HDGFL3: variants seen among roughly 807,000 people sequenced by gnomAD.
HDGFL3 encodes hepatoma-derived growth factor-related protein 3.
A neutral mutation model predicts 27.6 loss-of-function variants in HDGFL3; 6 were observed. The observed-to-expected ratio is 0.22, with a 90% CI of 0.12 to 0.43. The LOEUF (loss-of-function observed/expected upper bound fraction) is 0.43. Ranked by LOEUF, HDGFL3 falls within the 20% of genes least tolerant of loss-of-function variation. The pLI, the probability that HDGFL3 is intolerant of heterozygous loss-of-function variation, is 1.00. For synonymous variants in HDGFL3, 88 were observed against 88.9 expected (o/e 0.99, Z 0.05); for missense variants, 207 against 250.1 (o/e 0.83, Z 1.16).
chr15:83,175,936 G>A (rs2037304734), intron 1 of HDGFL3, among the ~76,000 whole-genome samples: 1 of 152,214 alleles, frequency 6.6e-6, no homozygotes, highest in South Asian at 2.1e-4. Flanking sequence ...GGACAGATGA[G>A]ACAGATTCTT....
At chr15:83,177,763 A>G (rs1275883522) in intron 1 of HDGFL3, among the ~76,000 whole-genome samples, 1 of 152,220 alleles carries the variant, frequency 6.6e-6, no homozygotes, top group Non-Finnish European at 1.5e-5. Context: ...AGATATAGAA[A>G]GGATGTATAA....
Position 83,130,029 on chromosome 15 carries a change from C to A in HDGFL3, c.*9241G>T, listed in dbSNP as rs1352089199. ...ACCTGTGTCAATTGTGCTTTGCCTGCACAATCAGGCCTCCTCTGCCTGCCA... is the reference window on the plus strand; with the variant it reads ...ACCTGTGTCAATTGTGCTTTGCCTGAACAATCAGGCCTCCTCTGCCTGCCA... On this transcript the variant is annotated 3_prime_UTR_variant, in exon 6 of 6. Transcript: ENST00000299633. 6.6e-6 allele frequency: 1 copy of A among 152,282 alleles called. No individual in the cohort carries two copies. The highest frequency in any genetic ancestry group is 1.5e-5 in the Non-Finnish European group (1 of 68,100). The allele number at this position is 152,282 out of a possible 1,614,324, so 9.4% of individuals were successfully genotyped here. A position where few individuals can be genotyped will look rare whatever the true frequency, so the allele number is the denominator to read the frequency against.
downstream of HDGFL3, chr15:83,124,828 C>A: frequency 7.1e-7 from 1 of 1,401,500 alleles, no homozygotes; most frequent in South Asian, 1.2e-5. Flanking sequence ...CTCACATTTC[C>A]AAATGGAAAA....
chr15:83,197,872 A>G (rs2037590737), intron 1 of HDGFL3, among the ~76,000 whole-genome samples: 1 of 151,568 alleles, frequency 6.6e-6, no homozygotes, highest in Non-Finnish European at 1.5e-5. Flanking sequence ...CATCTCTACT[A>G]AACATCTAAA....
At chr15:83,118,601 G>C (rs1220978438) in intron 3 of HDGFL3, among the ~76,000 whole-genome samples, 1 of 152,174 alleles carries the variant, frequency 6.6e-6, no homozygotes, top group Non-Finnish European at 1.5e-5. Context: ...TGACAGAGCA[G>C]TCCTTGCCCC....
chr15:83,124,163 T>C (rs2035520312), downstream of HDGFL3, among the ~76,000 whole-genome samples: 1 of 152,188 alleles, frequency 6.6e-6, no homozygotes, highest in African/African-American at 2.4e-5. Flanking sequence ...TGTGGGAAAG[T>C]GCTTATAATA....
Position 83,207,283 on chromosome 15 carries a change from AG to A in HDGFL3, c.84+47del. The A allele has an allele frequency of 1.6e-6, 2 of 1,236,872 alleles. No individual in the cohort carries two copies. The highest frequency in any genetic ancestry group is 2.1e-6 in the Non-Finnish European group (2 of 957,720). 76.6% of individuals were successfully genotyped at this position (1,236,872 alleles called of 1,614,324 possible). A position where few individuals can be genotyped will look rare whatever the true frequency, so the allele number is the denominator to read the frequency against. On this transcript the variant is annotated intron_variant, in intron 1 of 5. Transcript: ENST00000299633. This position sits in a 1 kb window ranked among gnomAD's most constrained non-coding sequence, Gnocchi z 4.8. ...AAAGGGGGCGGGCGCGCCATCATGAAGGGGAAAATGGTGGGCGGGCGGGCCC... is the reference window on the plus strand; with the variant it reads ...AAAGGGGGCGGGCGCGCCATCATGAAGGGAAAATGGTGGGCGGGCGGGCCC...
intron 3 of HDGFL3, chr15:83,119,523 G>A (rs1451337572): frequency 6.4e-7 from 1 of 1,573,048 alleles, no homozygotes; most frequent in Non-Finnish European, 8.7e-7. Flanking sequence ...CAGGTCTGAT[G>A]TTCTGCATTT....
intron 1 of HDGFL3, among the ~76,000 whole-genome samples, chr15:83,181,952 A>C (rs2037386856): frequency 1.3e-5 from 2 of 152,262 alleles, no homozygotes; most frequent in Non-Finnish European, 2.9e-5. Flanking sequence ...TTGTTGAGGT[A>C]AAACTTAAAT....
At chr15:83,193,838 T>C (rs970525039) in intron 1 of HDGFL3, among the ~76,000 whole-genome samples, 1 of 152,226 alleles carries the variant, frequency 6.6e-6, no homozygotes, top group Non-Finnish European at 1.5e-5. Context: ...ACTGCTACTC[T>C]GGGTACACTG....
intron 1 of HDGFL3, among the ~76,000 whole-genome samples, chr15:83,183,729 G>T (rs932428462): frequency 2.0e-5 from 3 of 150,670 alleles, no homozygotes; most frequent in African/African-American, 7.3e-5. Flanking sequence ...ATGCACTCCA[G>T]CCTGGGCGAC....
At chr15:83,162,404 C>G (rs2037112924) in intron 2 of HDGFL3, among the ~76,000 whole-genome samples, 1 of 152,080 alleles carries the variant, frequency 6.6e-6, no homozygotes, top group Non-Finnish European at 1.5e-5. Context: ...CACATATAGA[C>G]TACTGTACAA....
intron 3 of HDGFL3, among the ~76,000 whole-genome samples, chr15:83,120,313 A>C (rs1412215897): frequency 6.6e-6 from 1 of 152,158 alleles, no homozygotes; most frequent in Non-Finnish European, 1.5e-5. Flanking sequence ...CATTGCACTA[A>C]TCCCTGAAGT....
Position 83,207,630 on chromosome 15 carries a change from AG to A in HDGFL3, c.-217del. On this transcript the variant is annotated 5_prime_UTR_variant, in exon 1 of 6. Transcript: ENST00000299633. The surrounding 1 kb of genome is among the most constrained non-coding windows in gnomAD (Gnocchi z 4.8). ...GCAAATCACGGCCCGGCAGCGGGGG[AG>A]GGGAGCCCCCGGCCGTTCGGCGCTC... 1 of 233,190 alleles carries A rather than the reference AG, an allele frequency of 4.3e-6. No homozygotes were observed. Among genetic ancestry groups the A allele is most frequent in the Non-Finnish European group, 8.1e-6 (1 of 123,316 alleles). 14.4% of individuals were successfully genotyped at this position (233,190 alleles called of 1,614,324 possible).
intron 1 of HDGFL3, among the ~76,000 whole-genome samples, chr15:83,180,294 G>A (rs567922759): frequency 1.1e-4 from 16 of 152,210 alleles, no homozygotes; most frequent in Non-Finnish European, 1.2e-4. Flanking sequence ...TAGAATAAAG[G>A]AGTCTCTATG....
intron 5 of HDGFL3, among the ~76,000 whole-genome samples, chr15:83,140,945 A>C (rs2036757808): frequency 6.6e-6 from 1 of 152,148 alleles, no homozygotes; most frequent in African/African-American, 2.4e-5. Context: ...TAATACCCCA[A>C]ACAAAGTGAA....
At chr15:83,126,968 T>G (rs560936530), downstream of HDGFL3, 2,397 of 717,748 alleles carry the variant, frequency 3.3e-3, 7 homozygotes, top group Non-Finnish European at 4.7e-3. Context: ...CGAGGCAGGT[T>G]GATCACGAGG....
rs1006377488 is a variant in HDGFL3, at chr15:83,129,156, T to G, written c.*10114A>C. The G allele has an allele frequency of 3.9e-5, 6 of 152,162 alleles. No homozygotes were observed. Among genetic ancestry groups the G allele is most frequent in the African/African-American group, 7.2e-5 (3 of 41,422 alleles). The allele number at this position is 152,162 out of a possible 1,614,324, so 9.4% of individuals were successfully genotyped here. ...GGTCCAGTTAGTTTTACTCCAGTGA[T>G]TCTCCAACCCATTTTTTTTTTCCAG... On this transcript the variant is annotated 3_prime_UTR_variant, in exon 6 of 6. Transcript: ENST00000299633.
chr15:83,195,567 TCA>T (rs954018640), intron 1 of HDGFL3, among the ~76,000 whole-genome samples: 2 of 152,240 alleles, frequency 1.3e-5, no homozygotes, highest in Admixed American at 1.3e-4. Context: ...GCTAAGTCTA[TCA>T]CAGTTACTAA....
Sources: gnomAD v4.1 joint callset for allele counts (sites outside exome capture counted in the v4.1 genomes callset) on GRCh38, gnomAD v4.1.1 for gene constraint, Gnocchi (gnomAD v3.1) non-coding constraint, MANE v1.5 for transcripts, NCBI Gene and HGNC (gene_info 2026-07-23, HGNC 2026-07-21) for gene names.